TNS1: variants seen among roughly 807,000 people sequenced by gnomAD.
The protein encoded by TNS1 is tensin-1.
In TNS1, 62 loss-of-function variants were observed where a neutral mutation model predicts 168.6. The observed-to-expected ratio is 0.37, with a 90% CI of 0.30 to 0.45. The LOEUF (loss-of-function observed/expected upper bound fraction) is 0.45, where lower values mean the gene tolerates loss of function less well. Among genes scored for constraint, TNS1 ranks in the 20% least tolerant of loss-of-function variants. The pLI is 1.00. For synonymous variants in TNS1, 934 were observed against 933.2 expected (o/e 1.00, Z -0.02); for missense variants, 2,240 against 2,339.4 (o/e 0.96, Z 0.88).
intron 3 of TNS1, among the ~76,000 whole-genome samples, chr2:217,968,391 TAAGGA>T (rs1957698915): frequency 6.6e-6 from 1 of 152,204 alleles, no homozygotes; most frequent in South Asian, 2.1e-4. Context: ...TAGAAAATCC[TAAGGA>T]ACCCCTTAAA....
At chr2:217,863,999 G>A (rs1443588586) in intron 18 of TNS1, among the ~76,000 whole-genome samples, 1 of 152,270 alleles carries the variant, frequency 6.6e-6, no homozygotes, top group East Asian at 1.9e-4. Flanking sequence ...CCCCTGGCAG[G>A]GCCTCAGCCT....
intron 22 of TNS1, among the ~76,000 whole-genome samples, chr2:217,826,752 G>A (rs1347981898): frequency 6.6e-6 from 1 of 152,196 alleles, no homozygotes. Flanking sequence ...GGGACAGGGA[G>A]GGTGCTTCAT....
At chr2:217,949,291 CCT>C (rs1345472977) in intron 3 of TNS1, among the ~76,000 whole-genome samples, 2 of 152,228 alleles carry the variant, frequency 1.3e-5, no homozygotes, top group African/African-American at 2.4e-5. Context: ...CACACAAACC[CCT>C]GTCTCCCCTG....
intron 4 of TNS1, among the ~76,000 whole-genome samples, chr2:217,912,957 C>A (rs3791924): frequency 7.9e-5 from 12 of 152,280 alleles, no homozygotes; most frequent in African/African-American, 2.2e-4. Context: ...AATGAGGAGA[C>A]GGAGTTTCCA....
At chr2:217,839,905 G>C in intron 19 of TNS1, among the ~76,000 whole-genome samples, 1 of 152,310 alleles carries the variant, frequency 6.6e-6, no homozygotes, top group Middle Eastern at 3.4e-3. Context: ...AAAGCCACAC[G>C]GCGATCACAC....
At chr2:217,857,447 G>A (rs1344314702) in intron 18 of TNS1, among the ~76,000 whole-genome samples, 1 of 152,174 alleles carries the variant, frequency 6.6e-6, no homozygotes, top group East Asian at 1.9e-4. Flanking sequence ...GGAGGCATTG[G>A]AAGGTGGACT....
At chr2:217,983,432 A>G (rs756401388) in intron 2 of TNS1, among the ~76,000 whole-genome samples, 37 of 152,160 alleles carry the variant, frequency 2.4e-4, no homozygotes, top group Non-Finnish European at 3.2e-4. Flanking sequence ...GCCCCTGCAC[A>G]GCAGGGCCCA....
chr2:217,861,815 C>T (rs976237467), intron 18 of TNS1, among the ~76,000 whole-genome samples: 8 of 152,210 alleles, frequency 5.3e-5, no homozygotes, highest in East Asian at 1.9e-4. Context: ...AGTAGTGCAG[C>T]GTGGGCTTCC....
chr2:218,025,683 C>T (rs959839108), intron 1 of TNS1, among the ~76,000 whole-genome samples: 11 of 148,440 alleles, frequency 7.4e-5, no homozygotes, highest in African/African-American at 2.5e-4. Flanking sequence ...GGATTTCTTT[C>T]TTTTTTTTTT....
At chr2:217,945,057 G>A (rs748654739) in intron 3 of TNS1, among the ~76,000 whole-genome samples, 5 of 152,202 alleles carry the variant, frequency 3.3e-5, no homozygotes, top group Admixed American at 2.6e-4. Flanking sequence ...GCACAGAGGT[G>A]ACTTGTGGAA....
intron 1 of TNS1, among the ~76,000 whole-genome samples, chr2:218,022,847 T>C (rs1958817687): frequency 6.6e-6 from 1 of 151,924 alleles, no homozygotes; most frequent in African/African-American, 2.4e-5. Flanking sequence ...GGGAGAAAGC[T>C]GGGCCAGAAG....
At chr2:217,978,609 GC>G (rs1295307146) in intron 3 of TNS1, 155 bp downstream of exon 3, 8 of 236,554 alleles carry the variant, frequency 3.4e-5, no homozygotes, top group Non-Finnish European at 6.5e-5. Flanking sequence ...CTTGACCTGC[GC>G]CCGCTCCCAG....
At chr2:217,920,100 G>A (rs1955561815) in intron 4 of TNS1, 95 bp downstream of exon 4, 1 of 701,016 alleles carries the variant, frequency 1.4e-6, no homozygotes, top group African/African-American at 1.7e-5. Flanking sequence ...CGACACCCCA[G>A]TTACCAACAT....
At chr2:217,865,793 T>C (rs1011128794) in intron 18 of TNS1, among the ~76,000 whole-genome samples, 2 of 152,054 alleles carry the variant, frequency 1.3e-5, no homozygotes, top group Non-Finnish European at 2.9e-5. Flanking sequence ...TGAGGGATAG[T>C]CTTGTGAGTG....
Position 217,917,301 on chromosome 2 carries a change from A to G in TNS1, c.228+2894T>C, listed in dbSNP as rs184252035. On this transcript the variant is annotated intron_variant, in intron 4 of 32. Coordinates refer to ENST00000682258, the MANE Select transcript of TNS1 (RefSeq NM_001387777.1). ...CTGAATGCCTTCCTTCCAGCCATTC[A>G]AGAAACATATATAGAGCACCTACCG... 2.4e-4 allele frequency among the ~76,000 whole-genome samples: 36 copies of G among 152,332 alleles called. No individual in the cohort carries two copies. In the East Asian group the frequency reaches 5.4e-3, roughly 23 times the overall value.
chr2:218,031,075 T>C (rs1351953168), intron 1 of TNS1, among the ~76,000 whole-genome samples: 7 of 150,706 alleles, frequency 4.6e-5, no homozygotes, highest in Admixed American at 4.0e-4. Flanking sequence ...TGTATGTGTG[T>C]GTTTGTGAGT....
At chr2:217,934,598 T>C (rs1237875557) in intron 3 of TNS1, among the ~76,000 whole-genome samples, 2 of 152,206 alleles carry the variant, frequency 1.3e-5, no homozygotes, top group African/African-American at 4.8e-5. Flanking sequence ...CTTTGCTTCA[T>C]TGGCTCCAAT....
intron 1 of TNS1, among the ~76,000 whole-genome samples, chr2:217,992,077 A>T (rs1474401119): frequency 1.3e-5 from 2 of 151,966 alleles, no homozygotes; most frequent in African/African-American, 4.8e-5. Context: ...ATGCTCTAAG[A>T]TGCAAAGCCC....
In TNS1 at chr2:217,809,087, G is replaced by A. The variant is rs145430600; in HGVS notation, c.5274-416C>T. Among the ~76,000 whole-genome samples the A allele has an allele frequency of 4.5e-3, 678 of 152,294 alleles. 5 individuals are homozygous for A. Among genetic ancestry groups the A allele is most frequent in the African/African-American group, 0.015 (642 of 41,544 alleles). ...ATTCTCATAGAAGGATGGATGAATG[G>A]GTGGATGGATAGATGAATGGAGATA... On this transcript the variant is annotated intron_variant, in intron 30 of 32. Coordinates refer to ENST00000682258, the MANE Select transcript of TNS1 (RefSeq NM_001387777.1).
Sources: gnomAD v4.1 joint callset for allele counts (sites outside exome capture counted in the v4.1 genomes callset) on GRCh38, gnomAD v4.1.1 for gene constraint, MANE v1.5 for transcripts, NCBI Gene and HGNC (gene_info 2026-07-23, HGNC 2026-07-21) for gene names.